The following SEMA3A variants were observed in gnomAD, a reference collection of about 807,000 sequenced individuals.
The protein encoded by SEMA3A is semaphorin 3A, also known as semaphorin-3A.
In SEMA3A, 29 loss-of-function variants were observed where a neutral mutation model predicts 97.9. That is an observed-to-expected ratio of 0.30 (90% CI 0.22 to 0.40). The LOEUF (loss-of-function observed/expected upper bound fraction) is 0.40, where lower values mean the gene tolerates loss of function less well. SEMA3A is among the 10% of genes least tolerant of loss of function. SEMA3A has a pLI of 1.00. For missense variants in SEMA3A, 763 were observed against 951.3 expected (o/e 0.80, Z 2.60); for synonymous variants, 321 against 323.7 (o/e 0.99, Z 0.09).
intron 1 of SEMA3A, among the ~76,000 whole-genome samples, chr7:84,376,904 TG>T: frequency 6.6e-6 from 1 of 152,170 alleles, no homozygotes. Context: ...TTGAGATTTT[TG>T]TATATTATGG....
intron 3 of SEMA3A, among the ~76,000 whole-genome samples, chr7:84,236,642 T>C (rs563331804): frequency 6.6e-6 from 1 of 152,144 alleles, no homozygotes; most frequent in African/African-American, 2.4e-5. Flanking sequence ...AGCAAGACTT[T>C]TCCATCTATG....
intron 6 of SEMA3A, among the ~76,000 whole-genome samples, chr7:84,021,666 TC>T (rs911830035): frequency 6.6e-6 from 1 of 152,196 alleles, no homozygotes; most frequent in African/African-American, 2.4e-5. Flanking sequence ...TAAACTAATA[TC>T]CCTATTTTTT....
intron 1 of SEMA3A, among the ~76,000 whole-genome samples, chr7:84,438,826 T>A (rs767181976): frequency 1.3e-5 from 2 of 152,136 alleles, no homozygotes; most frequent in South Asian, 4.1e-4. Flanking sequence ...AGTCTACATA[T>A]TATAATAAAA....
At chr7:84,323,274 AGAG>A (rs1391827135) in intron 2 of SEMA3A, among the ~76,000 whole-genome samples, 3 of 152,184 alleles carry the variant, frequency 2.0e-5, no homozygotes, top group African/African-American at 4.8e-5. Flanking sequence ...TCAATACTCA[AGAG>A]TACTTGATTT....
chr7:84,174,801 A>C (rs941787632), intron 1 of SEMA3A, among the ~76,000 whole-genome samples: 3 of 152,184 alleles, frequency 2.0e-5, no homozygotes, highest in African/African-American at 7.2e-5. Context: ...GCTTAGAAGA[A>C]AGCTTTCACT....
chr7:84,472,438 A>G (rs1231145068), intron 1 of SEMA3A, among the ~76,000 whole-genome samples: 1 of 152,158 alleles, frequency 6.6e-6, no homozygotes, highest in Non-Finnish European at 1.5e-5. Context: ...AAAACGCATT[A>G]GTGCTTCGTG....
chr7:84,489,420 G>A (rs905894382), intron 1 of SEMA3A, among the ~76,000 whole-genome samples: 6 of 152,022 alleles, frequency 3.9e-5, no homozygotes, highest in Non-Finnish European at 7.4e-5. Context: ...TTTCACATTC[G>A]TAAATGAGAA....
chr7:84,048,465 G>A (rs1792451936), intron 5 of SEMA3A, among the ~76,000 whole-genome samples: 1 of 151,914 alleles, frequency 6.6e-6, no homozygotes, highest in Non-Finnish European at 1.5e-5. Context: ...AATAGATGAT[G>A]TATTTTTAAA....
At chr7:84,405,934 C>T (rs1733997) in intron 1 of SEMA3A, among the ~76,000 whole-genome samples, 80,568 of 151,638 alleles carry the variant, frequency 0.53, 22,930 homozygotes, top group East Asian at 0.91. Context: ...TAAATGGCCA[C>T]AAGAGAAAGC....
chr7:84,431,303 G>A (rs554662462), intron 1 of SEMA3A, among the ~76,000 whole-genome samples: 1 of 152,056 alleles, frequency 6.6e-6, no homozygotes, highest in African/African-American at 2.4e-5. Flanking sequence ...AATATTGAAA[G>A]GGCAATTTCG....
intron 3 of SEMA3A, among the ~76,000 whole-genome samples, chr7:84,217,645 A>G (rs1798780604): frequency 6.6e-6 from 1 of 152,062 alleles, no homozygotes; most frequent in African/African-American, 2.4e-5. Context: ...AGGTTTAAAA[A>G]CTTTAAAGTA....
intron 5 of SEMA3A, among the ~76,000 whole-genome samples, chr7:84,056,017 T>C: frequency 6.6e-6 from 1 of 152,166 alleles, no homozygotes; most frequent in East Asian, 1.9e-4. Context: ...ACAAGATCTT[T>C]AAGGCTCTCC....
At chr7:84,398,116 C>A (rs1012030445) in intron 1 of SEMA3A, among the ~76,000 whole-genome samples, 1 of 152,134 alleles carries the variant, frequency 6.6e-6, no homozygotes, top group Non-Finnish European at 1.5e-5. Context: ...GATTGACATG[C>A]CTTTTTCAAT....
At chr7:84,283,229 C>G (rs1206954696) in intron 3 of SEMA3A, among the ~76,000 whole-genome samples, 1 of 151,994 alleles carries the variant, frequency 6.6e-6, no homozygotes, top group Non-Finnish European at 1.5e-5. Flanking sequence ...TCATACCATT[C>G]TAGAAGCAGT....
At chr7:84,403,663 CCTCA>C (rs1803975444) in intron 1 of SEMA3A, among the ~76,000 whole-genome samples, 1 of 152,136 alleles carries the variant, frequency 6.6e-6, no homozygotes, top group African/African-American at 2.4e-5. Flanking sequence ...CGGACTGACA[CCTCA>C]CACAGCCGGG....
At chr7:84,029,991 T>A (rs976694391) in intron 6 of SEMA3A, among the ~76,000 whole-genome samples, 2 of 152,094 alleles carry the variant, frequency 1.3e-5, no homozygotes, top group African/African-American at 4.8e-5. Context: ...CATGTCAATA[T>A]AAAAGAAAAT....
chr7:84,467,569 G>C (rs2527541), intron 1 of SEMA3A, among the ~76,000 whole-genome samples: 7 of 149,002 alleles, frequency 4.7e-5, no homozygotes, highest in East Asian at 4.0e-4. Context: ...CCAGGCACTG[G>C]ACTTTTGTCC....
At position 84,063,697 on chromosome 7, in the gene SEMA3A, A is replaced by G. The variant is rs1247391794; in HGVS notation, c.454-3139T>C. ...ATGGAAGATGAAATGAATGAAATAAAGCGAGAAGGGAAGTTTAGAGAAAAA... is the reference window on the plus strand; with the variant it reads ...ATGGAAGATGAAATGAATGAAATAAGGCGAGAAGGGAAGTTTAGAGAAAAA... On this transcript the variant is annotated intron_variant, in intron 4 of 16. Transcript: ENST00000265362. Among the ~76,000 whole-genome samples the G allele has an allele frequency of 4.6e-5, 7 of 151,098 alleles. No individual in the cohort carries two copies. The East Asian group carries it at 1.4e-3, about 30-fold the overall frequency.
intron 15 of SEMA3A, among the ~76,000 whole-genome samples, chr7:83,966,942 C>A (rs1788719902): frequency 6.6e-6 from 1 of 152,020 alleles, no homozygotes; most frequent in Non-Finnish European, 1.5e-5. Flanking sequence ...AACTCCCGAC[C>A]TCAGGTGATT....
Sources: allele counts gnomAD v4.1 joint callset (sites outside exome capture counted in the v4.1 genomes callset), GRCh38; gene constraint gnomAD v4.1.1; transcripts MANE v1.5; gene names NCBI Gene and HGNC (gene_info 2026-07-23, HGNC 2026-07-21).